The following RYR1 variants were observed in gnomAD, a reference collection of about 807,000 sequenced individuals.
RYR1 encodes central core disease of muscle.
In RYR1, 342 loss-of-function variants were observed where a neutral mutation model predicts 583.5. That is an observed-to-expected ratio of 0.59 (90% CI 0.54 to 0.64). The LOEUF (loss-of-function observed/expected upper bound fraction) is 0.64. RYR1 is among the 30% of genes least tolerant of loss of function. The pLI is 0.00. For missense variants in RYR1, 6,032 were observed against 6,917.2 expected, an observed-to-expected ratio of 0.87 and a Z score of 4.54; for synonymous variants, 2,791 against 2,822.5, an observed-to-expected ratio of 0.99 and a Z score of 0.35.
Position 38,490,080 on chromosome 19 carries a change from G to T in RYR1, c.5819G>T (p.Cys1940Phe). The change falls in exon 36 of 106, where the codon TGC becomes TTC. Residue 1940 changes from cysteine (C) to phenylalanine (F), a missense_variant. Physicochemically the swap from Cys to Phe is radical, Grantham distance 205 (BLOSUM62 -2). This residue lies in a region of RYR1 where 2,627 missense variants were observed against 2,961.3 expected (regional missense o/e 0.89). Transcript: ENST00000359596. Reference sequence around the variant, plus strand: ...CACACGGCTGTCCTTCCACAGATGTGCCACCTGCTGGAGTATTTCTGTGAC... The same window carrying T: ...CACACGGCTGTCCTTCCACAGATGTTCCACCTGCTGGAGTATTTCTGTGAC... ...KLPESVKLQM[C>F]HLLEYFCDQE... 1.2e-6 allele frequency: 2 copies of T among 1,613,976 alleles called. No homozygotes were observed. The highest frequency in any genetic ancestry group is 1.7e-6 in the Non-Finnish European group (2 of 1,180,026).
intron 65 of RYR1, 84 bp from the exon 66 acceptor site, chr19:38,517,275 G>A: frequency 1.5e-6 from 2 of 1,364,708 alleles, no homozygotes; most frequent in South Asian, 2.4e-5. Flanking sequence ...ATTCAATGGT[G>A]TCTGATGTAT....
At chr19:38,469,854 C>G (rs1001963550) in intron 27 of RYR1, among the ~76,000 whole-genome samples, 1 of 152,040 alleles carries the variant, frequency 6.6e-6, no homozygotes, top group Middle Eastern at 3.4e-3. Context: ...ATCCCTTGAG[C>G]CCAGGAGTTC....
At chr19:38,463,597 G>A (rs369770484) in intron 21 of RYR1, 70 bp downstream of exon 21, 33 of 1,534,056 alleles carry the variant, frequency 2.2e-5, no homozygotes, top group South Asian at 1.2e-4. Context: ...GCGGCTCACC[G>A]GCGGAGAGGA....
Position 38,573,292 on chromosome 19 carries a change from T to A in RYR1, c.14114T>A (p.Leu4705Gln). ...GACGTGAAGGGGCAGTGGGACCGAC[T>A]GGTGCTCAACACGCCGTAAGGACCC... ...DDDVKGQWDRLVLNTPSFPSN... is the reference protein window; with the variant it reads ...DDDVKGQWDRQVLNTPSFPSN... Residue 4705 changes from leucine (L) to glutamine (Q), a missense_variant, in exon 96 of 106, where the codon CTG (leucine) becomes CAG (glutamine). By Grantham distance (113) the Leu-to-Gln change is moderately radical (BLOSUM62 -2). This residue lies in a region of RYR1 where 188 missense variants were observed against 215.6 expected (regional missense o/e 0.87). Transcript: ENST00000359596. 6.2e-7 allele frequency: 1 copy of A among 1,613,616 alleles called. No homozygotes were observed. The highest frequency in any genetic ancestry group is 8.5e-7 in the Non-Finnish European group (1 of 1,179,844).
At position 38,527,055 on chromosome 19, in the gene RYR1, A is replaced by G. The variant is rs781599348; in HGVS notation, c.10686+3A>G. Reference sequence around the variant, plus strand: ...ACAACCTTCACCTTCAGGGAAAGGTATGCCTCCTTCCTCTGCAAGCAAAAG... The same window carrying G: ...ACAACCTTCACCTTCAGGGAAAGGTGTGCCTCCTTCCTCTGCAAGCAAAAG... On this transcript the variant is annotated splice_donor_region_variant and intron_variant, in intron 72 of 105. Coordinates refer to ENST00000359596, the MANE Select transcript of RYR1 (RefSeq NM_000540.3). The G allele has an allele frequency of 2.6e-5, 42 of 1,613,684 alleles. No homozygotes were observed. Among genetic ancestry groups the G allele is most frequent in the Non-Finnish European group, 3.5e-5 (41 of 1,179,778 alleles).
At chr19:38,511,932 G>C in intron 61 of RYR1, 140 bp from the exon 62 acceptor site, 4 of 1,004,490 alleles carry the variant, frequency 4.0e-6, no homozygotes, top group South Asian at 1.4e-5. Flanking sequence ...GTAGGAGTCT[G>C]GGGGGGTGGG....
chr19:38,504,295 T>G lies in RYR1; in HGVS notation c.8002T>G (p.Ser2668Ala), dbSNP rs781753071. Reference sequence around the variant, plus strand: ...GGGCTGGGCCAACTTCGGGGTCACCTCAGAGGAGGAGCTGCACCTCACACG... The same window carrying G: ...GGGCTGGGCCAACTTCGGGGTCACCGCAGAGGAGGAGCTGCACCTCACACG... Reference protein sequence around the residue: ...PTGWANFGVTSEEELHLTRKL... With the variant: ...PTGWANFGVTAEEELHLTRKL... Residue 2668 changes from serine to alanine, a missense_variant, in exon 50 of 106, where the codon TCA (serine) becomes GCA (alanine). Transcript: ENST00000359596. 1 of 1,614,098 alleles carries G rather than the reference T, an allele frequency of 6.2e-7. No homozygotes were observed. Among genetic ancestry groups the G allele is most frequent in the South Asian group, 1.1e-5 (1 of 91,064 alleles).
chr19:38,465,661 G>T (rs1281515724), intron 23 of RYR1, among the ~76,000 whole-genome samples: 1 of 152,108 alleles, frequency 6.6e-6, no homozygotes, highest in Non-Finnish European at 1.5e-5. Context: ...CTACTCCGGA[G>T]GCTGAGGCAG....
chr19:38,538,081 G>A, intron 84 of RYR1, 121 bp downstream of exon 84: 1 of 893,894 alleles, frequency 1.1e-6, no homozygotes, highest in African/African-American at 1.6e-5. Context: ...TCTCCAGCCA[G>A]TGTCAATCCA....
intron 70 of RYR1, among the ~76,000 whole-genome samples, chr19:38,524,401 G>A (rs900757890): frequency 6.6e-6 from 1 of 151,816 alleles, no homozygotes; most frequent in Non-Finnish European, 1.5e-5. Context: ...CCTTGGTTGG[G>A]GTCATCCTTT....
At chr19:38,451,695 G>A (rs1367836831) in intron 11 of RYR1, 69 bp from the exon 12 acceptor site, 2 of 1,601,240 alleles carry the variant, frequency 1.2e-6, no homozygotes, top group African/African-American at 1.3e-5. Context: ...CTCAAGTCTA[G>A]ACAGACGTCT....
intron 13 of RYR1, among the ~76,000 whole-genome samples, chr19:38,454,936 G>A (rs1967284511): frequency 6.6e-6 from 1 of 152,066 alleles, no homozygotes; most frequent in Non-Finnish European, 1.5e-5. Context: ...GTAGGATGGA[G>A]AGAAAAGTGC....
intron 33 of RYR1, among the ~76,000 whole-genome samples, chr19:38,484,185 G>A (rs772911179): frequency 6.6e-6 from 1 of 152,038 alleles, no homozygotes; most frequent in East Asian, 1.9e-4. Flanking sequence ...CCAGCTACTC[G>A]GGAGGCTGAG....
intron 92 of RYR1, among the ~76,000 whole-genome samples, chr19:38,567,211 G>A (rs1158720466): frequency 1.3e-5 from 2 of 152,084 alleles, no homozygotes; most frequent in Non-Finnish European, 2.9e-5. Context: ...CAAGCATGGT[G>A]GTGTGTGGGG....
chr19:38,537,736 A>G, intron 83 of RYR1, 144 bp from the exon 84 acceptor site: 1 of 805,274 alleles, frequency 1.2e-6, no homozygotes, highest in Non-Finnish European at 2.2e-6. Flanking sequence ...TGGCCCTCAC[A>G]GTGTCTTTGG....
At chr19:38,521,001 G>A (rs1971203457) in intron 67 of RYR1, among the ~76,000 whole-genome samples, 2 of 152,146 alleles carry the variant, frequency 1.3e-5, no homozygotes, top group African/African-American at 4.8e-5. Context: ...GGGGCCGGGT[G>A]CAGTGGCTTA....
At chr19:38,527,821 T>C in intron 73 of RYR1, 37 bp downstream of exon 73, 1 of 1,598,180 alleles carries the variant, frequency 6.3e-7, no homozygotes, top group Non-Finnish European at 8.5e-7. Context: ...ACTGGGTCTC[T>C]GGGCGGAGCC....
In RYR1 at chr19:38,446,572, G is replaced by T. The variant is rs1355451418; in HGVS notation, c.725+7G>T. On this transcript the variant is annotated splice_region_variant and intron_variant, in intron 8 of 105. Transcript: ENST00000359596. ...ACAGTGATGACCAGCGCAGGTCTGGGCTGTGGACGAGAGGGCCTGGGGTCT... is the reference window on the plus strand; with the variant it reads ...ACAGTGATGACCAGCGCAGGTCTGGTCTGTGGACGAGAGGGCCTGGGGTCT... The T allele has an allele frequency of 2.5e-6, 4 of 1,613,374 alleles. No individual in the cohort carries two copies. The highest frequency in any genetic ancestry group is 8.5e-7 in the Non-Finnish European group (1 of 1,179,282).
In RYR1 at chr19:38,490,081, C is replaced by A. The variant is rs1329412036; in HGVS notation, c.5820C>A (p.Cys1940Ter). 6.2e-7 allele frequency: 1 copy of A among 1,613,892 alleles called. No homozygotes were observed. Among genetic ancestry groups the A allele is most frequent in the Admixed American group, 1.7e-5 (1 of 60,008 alleles). Reference protein sequence around the residue: ...KLPESVKLQMCHLLEYFCDQE... With the variant: ...KLPESVKLQM ...ACACGGCTGTCCTTCCACAGATGTG[C>A]CACCTGCTGGAGTATTTCTGTGACC... Residue 1940 changes from cysteine (C) to a stop codon, truncating the protein, a stop_gained, in exon 36 of 106, where the codon TGC becomes TGA. Coordinates refer to ENST00000359596, the MANE Select transcript of RYR1 (RefSeq NM_000540.3). LOFTEE classifies it high-confidence loss of function.
Sources: gnomAD v4.1 joint callset for allele counts (sites outside exome capture counted in the v4.1 genomes callset) on GRCh38, gnomAD v4.1.1 for gene constraint, gnomAD v4.1.1 regional missense constraint, MANE v1.5 for transcripts, NCBI Gene and HGNC (gene_info 2026-07-23, HGNC 2026-07-21) for gene names.